The following SMKR1 variants were observed in gnomAD, a reference collection of about 807,000 sequenced individuals.
The protein encoded by SMKR1 is small lysine rich protein 1, also known as small lysine-rich protein 1.
In SMKR1, 4 loss-of-function variants were observed where a neutral mutation model predicts 4.0. The ratio of observed to expected loss-of-function variants is 1.00; its 90% CI spans 0.49 to 2.30. SMKR1 has a LOEUF of 2.30. Ranked by LOEUF, SMKR1 falls within the 30% of genes most tolerant of loss-of-function variation. The probability of loss-of-function intolerance (pLI) is 0.02; values close to 1 mark genes in which losing one functional copy is unlikely to be tolerated. For missense variants in SMKR1, 56 were observed against 81.8 expected (o/e 0.68, Z 1.22); for synonymous variants, 38 against 32.5 (o/e 1.17, Z -0.58).
chr7:129,512,191 A>G, intron 1 of SMKR1, 56 bp from the exon 2 acceptor site: 1 of 1,460,900 alleles, frequency 6.8e-7, no homozygotes, highest in African/African-American at 1.4e-5. Context: ...TCTCAAAAAA[A>G]ACAAAAACCA....
At chr7:129,509,835 G>T (rs555156906) in intron 1 of SMKR1, among the ~76,000 whole-genome samples, 1 of 152,148 alleles carries the variant, frequency 6.6e-6, no homozygotes, top group Non-Finnish European at 1.5e-5. Context: ...CAGCGCGCCC[G>T]GCCTATTTTA....
intron 1 of SMKR1, among the ~76,000 whole-genome samples, chr7:129,509,818 C>A (rs146755113): frequency 6.6e-6 from 1 of 152,190 alleles, no homozygotes. Context: ...GGATTACAGG[C>A]GTGAGCCAGC....
intron 1 of SMKR1, among the ~76,000 whole-genome samples, 169 bp downstream of exon 1, chr7:129,502,996 GGGCGCAGCAGCCGCGGAGTCA>G (rs748531390): frequency 6.6e-5 from 10 of 151,838 alleles, no homozygotes; most frequent in Admixed American, 3.3e-4. Flanking sequence ...CGCCTGCTGG[GGGCGCAGCAGCCGCGGAGTCA>G]GGCCAGCCGT....
chr7:129,508,567 G>C (rs549408817), intron 1 of SMKR1, among the ~76,000 whole-genome samples: 5 of 152,080 alleles, frequency 3.3e-5, no homozygotes, highest in Non-Finnish European at 5.9e-5. Flanking sequence ...TCAGCCTCCC[G>C]AGTAGCTGGA....
intron 1 of SMKR1, 88 bp from the exon 2 acceptor site, chr7:129,512,159 G>C: frequency 7.9e-7 from 1 of 1,267,878 alleles, no homozygotes; most frequent in Non-Finnish European, 1.1e-6. Flanking sequence ...ACTCCAGCCT[G>C]GGTGTTGGGA....
Position 129,507,267 on chromosome 7 carries a change from G to A in SMKR1, c.3+4440G>A, listed in dbSNP as rs1203410042. ...CCTGACTTTGTGATCCGCCCACCTC[G>A]GACTCCCAAAGTGCTGGGATTATAG... On this transcript the variant is annotated intron_variant, in intron 1 of 1. Transcript: ENST00000462322. 2.6e-5 allele frequency among the ~76,000 whole-genome samples: 4 copies of A among 152,002 alleles called. No individual in the cohort carries two copies. The East Asian group carries it at 5.8e-4, about 22-fold the overall frequency.
chr7:129,509,908 G>A (rs1799509724), intron 1 of SMKR1, among the ~76,000 whole-genome samples: 1 of 152,190 alleles, frequency 6.6e-6, no homozygotes, highest in African/African-American at 2.4e-5. Flanking sequence ...TGACCGCAAT[G>A]CTGTGAATAG....
intron 1 of SMKR1, among the ~76,000 whole-genome samples, chr7:129,508,467 G>A (rs1309362898): frequency 1.3e-5 from 2 of 151,998 alleles, no homozygotes. Context: ...TTTGAGACAG[G>A]ATCTTGTTCT....
At chr7:129,512,198 A>C (rs1370075235) in intron 1 of SMKR1, 49 bp from the exon 2 acceptor site, 1 of 1,469,536 alleles carries the variant, frequency 6.8e-7, no homozygotes, top group East Asian at 2.5e-5. Flanking sequence ...AAAAACAAAA[A>C]CCAAAAAACT....
chr7:129,505,984 G>A (rs1028741316), intron 1 of SMKR1, among the ~76,000 whole-genome samples: 2 of 152,154 alleles, frequency 1.3e-5, no homozygotes, highest in African/African-American at 4.8e-5. Context: ...TTTAAGTTGG[G>A]AGCTGCATGT....
chr7:129,510,774 C>T (rs1481606326), intron 1 of SMKR1, among the ~76,000 whole-genome samples: 3 of 151,836 alleles, frequency 2.0e-5, no homozygotes, highest in African/African-American at 7.3e-5. Flanking sequence ...GAGTATTTGT[C>T]TCACATCAGA....
rs1247375105 is a variant in SMKR1, at chr7:129,512,273, C to T, written c.30C>T (p.Gly10=). 1.3e-6 allele frequency: 2 copies of T among 1,530,080 alleles called. No homozygotes were observed. Among genetic ancestry groups the T allele is most frequent in the Admixed American group, 2.0e-5 (1 of 49,334 alleles). 94.8% of individuals were successfully genotyped at this position (1,530,080 alleles called of 1,614,324 possible). A position where few individuals can be genotyped will look rare whatever the true frequency, so the allele number is the denominator to read the frequency against. The change falls in exon 2 of 2, where the codon GGC becomes GGT. Residue 10 remains glycine (G), a synonymous_variant. Transcript: ENST00000462322. MPAKGKKGK[G]QGKSHGKKQK... ...CAGCTAAAGGGAAAAAAGGAAAAGG[C>T]CAGGGCAAGTCTCATGGGAAGAAAC...
chr7:129,508,087 G>A (rs1799488493), intron 1 of SMKR1, among the ~76,000 whole-genome samples: 1 of 152,102 alleles, frequency 6.6e-6, no homozygotes, highest in Non-Finnish European at 1.5e-5. Context: ...AATAATCCAA[G>A]GTAACAAAAG....
At chr7:129,506,926 C>T (rs1188534393) in intron 1 of SMKR1, among the ~76,000 whole-genome samples, 4 of 142,956 alleles carry the variant, frequency 2.8e-5, no homozygotes, top group South Asian at 2.2e-4. Context: ...GCAACTTGAT[C>T]GTGGCTCACC....
At chr7:129,509,507 G>A (rs1052721405) in intron 1 of SMKR1, among the ~76,000 whole-genome samples, 4 of 151,984 alleles carry the variant, frequency 2.6e-5, no homozygotes, top group Admixed American at 6.6e-5. Context: ...TTTGTATCTA[G>A]GAATGTACTC....
rs140102685 is a variant in SMKR1 at position 129,512,224 on chromosome 7, A to G, written c.4-23A>G. On this transcript the variant is annotated intron_variant, in intron 1 of 1. Coordinates refer to ENST00000462322, the MANE Select transcript of SMKR1 (RefSeq NM_001195243.2). ...CCAAAAAACTAACTTCCCTCCTCCC[A>G]TATTTATATTTGTCTTTGAAAGCCA... The G allele has an allele frequency of 1.9e-3, 2,905 of 1,494,096 alleles. 22 individuals carry two copies. Among genetic ancestry groups the G allele is most frequent in the South Asian group, 0.011 (886 of 77,154 alleles). 92.6% of individuals were successfully genotyped at this position (1,494,096 alleles called of 1,614,324 possible). A position where few individuals can be genotyped will look rare whatever the true frequency, so the allele number is the denominator to read the frequency against.
chr7:129,505,757 T>A (rs901276463), intron 1 of SMKR1, among the ~76,000 whole-genome samples: 2 of 152,170 alleles, frequency 1.3e-5, no homozygotes, highest in African/African-American at 4.8e-5. Context: ...GCTGAGCCAC[T>A]GTGAGCCACC....
rs1159340193 is a variant in SMKR1 at position 129,512,634 on chromosome 7, CT to C, written c.*196del. On this transcript the variant is annotated 3_prime_UTR_variant, in exon 2 of 2. Transcript: ENST00000462322. ...CTGTTATGCCAGATATGGTTAGCCA[CT>C]TTGGTTTTTTAGGAGCTATAGGATG... 1.6e-6 allele frequency: 1 copy of C among 611,544 alleles called. No individual in the cohort carries two copies. The highest frequency in any genetic ancestry group is 2.6e-6 in the Non-Finnish European group (1 of 380,252). 37.9% of individuals were successfully genotyped at this position (611,544 alleles called of 1,614,324 possible).
intron 1 of SMKR1, among the ~76,000 whole-genome samples, chr7:129,509,791 A>G (rs1799507708): frequency 6.6e-6 from 1 of 152,144 alleles, no homozygotes; most frequent in South Asian, 2.1e-4. Context: ...TGCCCGCCTC[A>G]GCCTCCCAAA....
Sources: allele counts gnomAD v4.1 joint callset (sites outside exome capture counted in the v4.1 genomes callset), GRCh38; gene constraint gnomAD v4.1.1; transcripts MANE v1.5; gene names NCBI Gene and HGNC (gene_info 2026-07-23, HGNC 2026-07-21).